DENND3: variants seen among roughly 807,000 people sequenced by gnomAD.
DENND3 encodes DENN domain containing 3.
A neutral mutation model predicts 135.1 loss-of-function variants in DENND3; 88 were observed. That is an observed-to-expected ratio of 0.65 (90% CI 0.55 to 0.78). DENND3 has a LOEUF of 0.78. DENND3 is among the 30% of genes least tolerant of loss of function. The pLI, the probability that DENND3 is intolerant of heterozygous loss-of-function variation, is 0.00. For missense variants in DENND3, 1,392 were observed against 1,688.4 expected, an observed-to-expected ratio of 0.82 and a Z score of 3.08; for synonymous variants, 693 against 712.3, an observed-to-expected ratio of 0.97 and a Z score of 0.43.
At chr8:141,165,513 G>A (rs528749553) in intron 11 of DENND3, among the ~76,000 whole-genome samples, 1 of 148,322 alleles carries the variant, frequency 6.7e-6, no homozygotes, top group African/African-American at 2.5e-5. Flanking sequence ...TGCCCAGGCT[G>A]GAGTGCAGTA....
In DENND3 at chr8:141,189,089, C is replaced by CA; in HGVS notation, c.3189dup (p.Ala1064SerfsTer67). On this transcript the variant is annotated frameshift_variant, in exon 19 of 23. Transcript: ENST00000519811. LOFTEE classifies it high-confidence loss of function. ...AGCATGTCCTGCAACAAGCAGCTCA[C>CA]AGCCCACTGCTCCAGTGTCACGGAT... The CA allele has an allele frequency of 6.2e-7, 1 of 1,614,246 alleles. No individual in the cohort carries two copies. Among genetic ancestry groups the CA allele is most frequent in the Non-Finnish European group, 8.5e-7 (1 of 1,180,048 alleles).
chr8:141,161,063 GCCTTACTA>G (rs3835080), intron 9 of DENND3, among the ~76,000 whole-genome samples: 101,203 of 150,868 alleles, frequency 0.67, 34,143 homozygotes, highest in African/African-American at 0.74. Flanking sequence ...TGGTGACTGT[GCCTTACTA>G]CCTTACTAAC....
At chr8:141,165,047 C>T in intron 10 of DENND3, 139 bp from the exon 11 acceptor site, 1 of 641,184 alleles carries the variant, frequency 1.6e-6, no homozygotes, top group East Asian at 2.7e-5. Context: ...GCAGAAAACC[C>T]TCGAGTTCAT....
At position 141,138,255 on chromosome 8, in the gene DENND3, T is replaced by A. The variant is rs550525324; in HGVS notation, c.501+118T>A. On this transcript the variant is annotated intron_variant, in intron 3 of 22. Coordinates refer to ENST00000519811, the MANE Select transcript of DENND3 (RefSeq NM_001352890.3). This position sits in a 1 kb window ranked among gnomAD's most constrained non-coding sequence, Gnocchi z 4.8. Reference sequence around the variant, plus strand: ...TTTAAAGTGTGCAGTTCCGTAACATTAAGTACATTCACAGCATTGTGCAAC... The same window carrying A: ...TTTAAAGTGTGCAGTTCCGTAACATAAAGTACATTCACAGCATTGTGCAAC... 41 of 1,074,864 alleles carry A rather than the reference T, an allele frequency of 3.8e-5. 2 individuals carry two copies. The South Asian group carries it at 5.2e-4, about 14-fold the overall frequency. 66.6% of individuals were successfully genotyped at this position (1,074,864 alleles called of 1,614,324 possible).
intron 1 of DENND3, among the ~76,000 whole-genome samples, chr8:141,135,629 G>T (rs1327117990): frequency 6.6e-6 from 1 of 152,176 alleles, no homozygotes; most frequent in South Asian, 2.1e-4. Flanking sequence ...ACCTTGGAAA[G>T]ATCTGAAATC....
At chr8:141,133,331 G>T (rs970168100) in intron 1 of DENND3, among the ~76,000 whole-genome samples, 1 of 152,156 alleles carries the variant, frequency 6.6e-6, no homozygotes, top group Non-Finnish European at 1.5e-5. Context: ...TCATGCCCAC[G>T]TATGACACGT....
Position 141,146,884 on chromosome 8 carries a change from G to C in DENND3, c.735+2625G>C, listed in dbSNP as rs1818214370. Among the ~76,000 whole-genome samples the C allele has an allele frequency of 2.6e-5, 4 of 152,156 alleles. No individual in the cohort carries two copies. The South Asian group carries it at 8.3e-4, about 31-fold the overall frequency. On this transcript the variant is annotated intron_variant, in intron 5 of 22. Coordinates refer to ENST00000519811, the MANE Select transcript of DENND3 (RefSeq NM_001352890.3). This position sits in a 1 kb window ranked among gnomAD's most constrained non-coding sequence, Gnocchi z 4.3. ...AAGTTTATGTTCTTGTTCTGTAAAC[G>C]CAGCAAGTATTTACTGAGGGCCTGT...
chr8:141,136,754 C>G lies in DENND3; in HGVS notation c.348C>G (p.Gly116=), dbSNP rs551426157. 34 of 1,594,176 alleles carry G rather than the reference C, an allele frequency of 2.1e-5. No homozygotes were observed. The South Asian group carries it at 3.5e-4, about 16-fold the overall frequency. The change falls in exon 2 of 23, where the codon GGC becomes GGG. Residue 116 remains glycine (G), a synonymous_variant. Coordinates refer to ENST00000519811, the MANE Select transcript of DENND3 (RefSeq NM_001352890.3). Reference sequence around the variant, plus strand: ...CTGAGGATGTCGCCGTCCCGGGCGGCGTGGACCTCCTCACCCTGCCGCAGC... The same window carrying G: ...CTGAGGATGTCGCCGTCCCGGGCGGGGTGGACCTCCTCACCCTGCCGCAGC... ...PEPEDVAVPG[G]VDLLTLPQLC...
At chr8:141,136,455 C>A (rs1240938807) in intron 1 of DENND3, 54 bp from the exon 2 acceptor site, 24 of 1,473,516 alleles carry the variant, frequency 1.6e-5, no homozygotes, top group African/African-American at 2.8e-5. Context: ...AGAAAGGATA[C>A]CCTCGAACAA....
chr8:141,146,378 T>C lies in DENND3; in HGVS notation c.735+2119T>C, dbSNP rs929151090. ...GCTGGCCACCTTCCCCTTTTGTTTG[T>C]TGAGAAACATGTCAGGTTGCTCAGC... On this transcript the variant is annotated intron_variant, in intron 5 of 22. Transcript: ENST00000519811. This position sits in a 1 kb window ranked among gnomAD's most constrained non-coding sequence, Gnocchi z 4.3. Among the ~76,000 whole-genome samples, 1 of 152,244 alleles carries C rather than the reference T, an allele frequency of 6.6e-6. No homozygotes were observed. Among genetic ancestry groups the C allele is most frequent in the Non-Finnish European group, 1.5e-5 (1 of 68,046 alleles).
In DENND3 at chr8:141,136,716, A is replaced by C. The variant is rs572718479; in HGVS notation, c.310A>C (p.Arg104=). The C allele has an allele frequency of 1.2e-6, 2 of 1,610,820 alleles. No individual in the cohort carries two copies. The highest frequency in any genetic ancestry group is 4.5e-5 in the East Asian group (2 of 44,772). The change falls in exon 2 of 23, where the codon AGA becomes CGA. Residue 104 remains arginine, a synonymous_variant. Transcript: ENST00000519811. ...GTGGAAGGGCCTCCCGGGGCCCCCC[A>C]GAGCGCCAGAGCCTGAGGATGTCGC... ...EQWKGLPGPP[R]APEPEDVAVP...
chr8:141,159,589 G>A (rs992308757), intron 8 of DENND3, among the ~76,000 whole-genome samples: 3 of 152,228 alleles, frequency 2.0e-5, no homozygotes, highest in African/African-American at 7.2e-5. Context: ...CCACTCACAT[G>A]GAAGTGCCAC....
chr8:141,145,880 G>A (rs1224530085), intron 5 of DENND3, among the ~76,000 whole-genome samples: 1 of 112,026 alleles, frequency 8.9e-6, no homozygotes, highest in African/African-American at 3.3e-5. Context: ...GCGGAGTCTT[G>A]CTCTGTTACC....
chr8:141,180,819 T>C lies in DENND3; in HGVS notation c.2909T>C (p.Phe970Ser). The C allele has an allele frequency of 6.2e-7, 1 of 1,613,456 alleles. No homozygotes were observed. Among genetic ancestry groups the C allele is most frequent in the African/African-American group, 1.3e-5 (1 of 75,016 alleles). Residue 970 changes from phenylalanine to serine, a missense_variant, in exon 17 of 23, where the codon TTC (phenylalanine) becomes TCC (serine). Physicochemically the swap from Phe to Ser is radical, Grantham distance 155. Transcript: ENST00000519811. The stretch of plus-strand genomic sequence containing the variant: ...ATCAACCCCTCGGCGGGGGAGGCGT[T>C]CCCACAAGCGGTGGACGTGCTGCTC... Reference protein sequence around the residue: ...HKINPSAGEAFPQAVDVLLYT... With the variant: ...HKINPSAGEASPQAVDVLLYT...
chr8:141,138,037 C>T lies in DENND3; in HGVS notation c.401C>T (p.Ala134Val), dbSNP rs759639759. 6.2e-7 allele frequency: 1 copy of T among 1,603,442 alleles called. No homozygotes were observed. The highest frequency in any genetic ancestry group is 1.3e-5 in the African/African-American group (1 of 74,890). The change falls in exon 3 of 23, where the codon GCC (alanine) becomes GTC (valine). Residue 134 changes from alanine (A) to valine (V), a missense_variant. Transcript: ENST00000519811. This position sits in a 1 kb window ranked among gnomAD's most constrained non-coding sequence, Gnocchi z 4.8. The part of the protein sequence containing the change: ...QLCFPGGVCV[A>V]TEPKEDCVHF... ...CTGCCTGCAGGGGGTGTGTGCGTGG[C>T]CACTGAACCTAAGGAGGATTGCGTC...
At chr8:141,161,266 C>G (rs1337265186) in intron 9 of DENND3, among the ~76,000 whole-genome samples, 1 of 152,186 alleles carries the variant, frequency 6.6e-6, no homozygotes, top group African/African-American at 2.4e-5. Flanking sequence ...GACAGACAGG[C>G]CATTTTGATG....
rs1331899351 is a variant in DENND3 at position 141,185,063 on chromosome 8, GAGT to G, written c.2945-74_2945-72del. The G allele has an allele frequency of 1.9e-6, 3 of 1,550,280 alleles. No homozygotes were observed. The Admixed American group carries it at 5.5e-5, about 28-fold the overall frequency. On this transcript the variant is annotated intron_variant, in intron 17 of 22. Transcript: ENST00000519811. The stretch of plus-strand genomic sequence containing the variant: ...GCTTAGGAGGGCCCAGGAGGCACCT[GAGT>G]AAGGGCACCAGTCACCTGCTGCTAC...
At chr8:141,194,000 T>C in intron 22 of DENND3, 33 bp from the exon 23 acceptor site, 1 of 1,605,542 alleles carries the variant, frequency 6.2e-7, no homozygotes, top group Non-Finnish European at 8.5e-7. Context: ...GGGGCTTCTT[T>C]CCCTGCTGAC....
At chr8:141,142,354 T>G (rs1348478910) in intron 4 of DENND3, 1 of 456,766 alleles carries the variant, frequency 2.2e-6, no homozygotes, top group Non-Finnish European at 4.4e-6. Context: ...TGCTGGAGAA[T>G]GAGCCACGGC....
Sources: allele counts gnomAD v4.1 joint callset (sites outside exome capture counted in the v4.1 genomes callset), GRCh38; gene constraint gnomAD v4.1.1; non-coding constraint Gnocchi (gnomAD v3.1); transcripts MANE v1.5; gene names NCBI Gene and HGNC (gene_info 2026-07-23, HGNC 2026-07-21).